LYPD4: variants seen among roughly 807,000 people sequenced by gnomAD.
The protein encoded by LYPD4 is LY6/PLAUR domain containing 4, also known as ly6/PLAUR domain-containing protein 4.
In LYPD4, 20 loss-of-function variants were observed where a neutral mutation model predicts 18.2. The observed-to-expected ratio is 1.10, with a 90% CI of 0.77 to 1.59. The LOEUF is 1.59. Ranked by LOEUF, LYPD4 falls within the 40% of genes most tolerant of loss-of-function variation. The pLI is 0.00. For synonymous variants in LYPD4, 111 were observed against 118.3 expected (o/e 0.94, Z 0.40); for missense variants, 278 against 300.3 (o/e 0.93, Z 0.55).
rs34537433 is a variant in LYPD4 at position 41,837,277 on chromosome 19, G to A, written c.607C>T (p.His203Tyr). The A allele has an allele frequency of 1.1e-3, 1,815 of 1,614,040 alleles. 20 individuals are homozygous for A. In the African/African-American group the frequency reaches 0.022, roughly 19 times the overall value. The change falls in exon 5 of 5, where the codon CAT becomes TAT. Residue 203 changes from histidine to tyrosine, a missense_variant. His to Tyr is a moderately conservative substitution (Grantham distance 83). Coordinates refer to ENST00000609812, the MANE Select transcript of LYPD4 (RefSeq NM_173506.7). ...REHNQLLADF[H>Y]HIGSIKVTEV... ...GTCACTTTGATGCTCCCAATATGAT[G>A]AAAATCTGCTAAAAGCTGGTTATGT...
downstream of LYPD4, chr19:41,835,633 G>T: frequency 4.4e-6 from 1 of 225,750 alleles, no homozygotes; most frequent in Middle Eastern, 2.2e-3. Flanking sequence ...TAGGCTCGCT[G>T]GTCTCCACCT....
intron 1 of LYPD4, among the ~76,000 whole-genome samples, chr19:41,839,756 TA>T (rs1426866546): frequency 6.6e-6 from 1 of 151,572 alleles, no homozygotes; most frequent in African/African-American, 2.4e-5. Flanking sequence ...AATTTAAAAG[TA>T]TTTAGAACTG....
In LYPD4 at chr19:41,839,397, T is replaced by A; in HGVS notation, c.-112A>T. On this transcript the variant is annotated 5_prime_UTR_variant, in exon 2 of 5. Coordinates refer to ENST00000609812, the MANE Select transcript of LYPD4 (RefSeq NM_173506.7). ...AATTCTTTGTCCACCTGTCTCTGGGTCACTGTTTCTGGAGCAGAAAGTTGA... is the reference window on the plus strand; with the variant it reads ...AATTCTTTGTCCACCTGTCTCTGGGACACTGTTTCTGGAGCAGAAAGTTGA... 9.9e-7 allele frequency: 1 copy of A among 1,013,398 alleles called. No homozygotes were observed. Among genetic ancestry groups the A allele is most frequent in the Non-Finnish European group, 1.5e-6 (1 of 654,690 alleles). 62.8% of individuals were successfully genotyped at this position (1,013,398 alleles called of 1,614,324 possible).
rs373896461 is a variant in LYPD4 at position 41,837,111 on chromosome 19, A to T, written c.*32T>A. ...TGCTATTTTATTTGTTATGTGAAAG[A>T]GTCTGGGTGCTTGTCGGGTGCAGCT... On this transcript the variant is annotated 3_prime_UTR_variant, in exon 5 of 5. Transcript: ENST00000609812. 2 of 1,612,880 alleles carry T rather than the reference A, an allele frequency of 1.2e-6. No homozygotes were observed. Among genetic ancestry groups the T allele is most frequent in the African/African-American group, 1.3e-5 (1 of 74,868 alleles).
At chr19:41,837,854 C>T (rs1290554609) in intron 4 of LYPD4, 81 bp downstream of exon 4, 3 of 1,392,650 alleles carry the variant, frequency 2.2e-6, no homozygotes, top group Admixed American at 2.4e-5. Context: ...TGGATCCCAC[C>T]AGCCTCTCTG....
Position 41,837,974 on chromosome 19 carries a change from C to G in LYPD4, c.499G>C (p.Ala167Pro), listed in dbSNP as rs1555831104. ...FVTTNSCPLA[A>P]STCYSSTLKF... ...AAGGTGGAACTGTAACACGTAGAAGCAGCCAAGGGGCAAGAATTAGTGGTG... is the reference window on the plus strand; with the variant it reads ...AAGGTGGAACTGTAACACGTAGAAGGAGCCAAGGGGCAAGAATTAGTGGTG... Residue 167 changes from alanine (A) to proline (P), a missense_variant, in exon 4 of 5, where the codon GCT (alanine) becomes CCT (proline). Coordinates refer to ENST00000609812, the MANE Select transcript of LYPD4 (RefSeq NM_173506.7). 3 of 1,613,270 alleles carry G rather than the reference C, an allele frequency of 1.9e-6. No homozygotes were observed. Among genetic ancestry groups the G allele is most frequent in the Non-Finnish European group, 2.5e-6 (3 of 1,179,476 alleles).
intron 3 of LYPD4, 80 bp downstream of exon 3, chr19:41,838,801 A>G (rs1237578865): frequency 1.5e-6 from 2 of 1,339,414 alleles, no homozygotes; most frequent in South Asian, 1.3e-5. Flanking sequence ...ATTCTAATCT[A>G]CAGTCCCTCG....
rs782812231 is a variant in LYPD4 at position 41,839,218 on chromosome 19, C to G, written c.67+1G>C. The G allele has an allele frequency of 2.5e-6, 4 of 1,614,014 alleles. No individual in the cohort carries two copies. The highest frequency in any genetic ancestry group is 1.7e-6 in the Non-Finnish European group (2 of 1,180,044). On this transcript the variant is annotated splice_donor_variant, in intron 2 of 4. Coordinates refer to ENST00000609812, the MANE Select transcript of LYPD4 (RefSeq NM_173506.7). LOFTEE classifies it high-confidence loss of function. ...ATAGCATCCAGCCCCACAGGACATA[C>G]GAGGCAGAGTGGAGATGGCCCCTAG...
At position 41,840,145 on chromosome 19, in the gene LYPD4, TAC is replaced by T. The variant is rs368982850; in HGVS notation, c.-120-742_-120-741del. On this transcript the variant is annotated intron_variant, in intron 1 of 4. Transcript: ENST00000609812. Reference sequence around the variant, plus strand: ...ACATAGACACAGACAGACACACACATACACACACACACACACACATAAGTGCA... The same window carrying T: ...ACATAGACACAGACAGACACACACATACACACACACACACACATAAGTGCA... Among the ~76,000 whole-genome samples the T allele has an allele frequency of 3.0e-4, 45 of 147,962 alleles. 1 individual carries two copies. The highest frequency in any genetic ancestry group is 4.5e-4 in the Non-Finnish European group (30 of 66,700).
intron 3 of LYPD4, 120 bp downstream of exon 3, chr19:41,838,761 A>C: frequency 2.0e-6 from 1 of 501,878 alleles, no homozygotes; most frequent in Non-Finnish European, 3.0e-6. Flanking sequence ...ATATATACAT[A>C]TATATATATA....
Position 41,839,357 on chromosome 19 carries a change from T to TCC in LYPD4, c.-74_-73dup. The TCC allele has an allele frequency of 7.2e-7, 1 of 1,381,394 alleles. No individual in the cohort carries two copies. Among genetic ancestry groups the TCC allele is most frequent in the Non-Finnish European group, 1.0e-6 (1 of 970,074 alleles). The allele number at this position is 1,381,394 out of a possible 1,614,324, so 85.6% of individuals were successfully genotyped here. On this transcript the variant is annotated 5_prime_UTR_variant, in exon 2 of 5. An upstream open reading frame in the 5' UTR gains an earlier in-frame stop. Transcript: ENST00000609812. The stretch of plus-strand genomic sequence containing the variant: ...TTTCAGTCTGGATCCCAAGCTCAGT[T>TCC]CCCATCAGTCCCCGAATTCTTTGTC...
chr19:41,837,224 AG>A lies in LYPD4; in HGVS notation c.659del (p.Ser220PhefsTer19), dbSNP rs782604227. The part of the protein sequence containing the change: ...VTEVLNILEK[S>X]QIVGAASSRQ... ...TGGAGGATGCTGCACCAACAATCTG[AG>A]ACTTCTCTAAGATGTTGAGGACCTC... On this transcript the variant is annotated frameshift_variant, in exon 5 of 5. Transcript: ENST00000609812. LOFTEE classifies it low-confidence loss of function (END_TRUNC). 11 of 1,614,092 alleles carry A rather than the reference AG, an allele frequency of 6.8e-6. No individual in the cohort carries two copies. The highest frequency in any genetic ancestry group is 9.3e-6 in the Non-Finnish European group (11 of 1,179,974).
chr19:41,835,135 A>G (rs1240165211), downstream of LYPD4: 1 of 152,242 alleles, frequency 6.6e-6, no homozygotes. Context: ...GACAAAGTAT[A>G]TAAAAATCCA....
At chr19:41,840,145 TACACAC>T (rs368982850) in intron 1 of LYPD4, among the ~76,000 whole-genome samples, 4 of 148,348 alleles carry the variant, frequency 2.7e-5, no homozygotes, top group Admixed American at 6.7e-5. Flanking sequence ...GACACACACA[TACACAC>T]ACACACACAC....
Position 41,839,221 on chromosome 19 carries a change from G to C in LYPD4, c.65C>G (p.Pro22Arg). 3 of 1,614,116 alleles carry C rather than the reference G, an allele frequency of 1.9e-6. No homozygotes were observed. The highest frequency in any genetic ancestry group is 2.5e-6 in the Non-Finnish European group (3 of 1,180,040). ...FCLLGAISTL[P>R]RAGALLCYEA... is the part of the protein sequence containing the mutation. ...GCATCCAGCCCCACAGGACATACGA[G>C]GCAGAGTGGAGATGGCCCCTAGAAG... is the stretch of plus-strand genomic sequence containing the variant. Residue 22 changes from proline (P) to arginine (R), a missense_variant and splice_region_variant, in exon 2 of 5, where the codon CCT becomes CGT. Transcript: ENST00000609812.
chr19:41,843,567 C>T lies in LYPD4; in HGVS notation c.-121+11G>A, dbSNP rs2073723813. 6.6e-6 allele frequency: 1 copy of T among 151,542 alleles called. No homozygotes were observed. Among genetic ancestry groups the T allele is most frequent in the Non-Finnish European group, 1.5e-5 (1 of 67,964 alleles). The allele number at this position is 151,542 out of a possible 1,614,324, so 9.4% of individuals were successfully genotyped here. ...CACACCCCACCCCACCCCAGATAAGCGCCACCCAACCTTTCCAATTTTATC... is the reference window on the plus strand; with the variant it reads ...CACACCCCACCCCACCCCAGATAAGTGCCACCCAACCTTTCCAATTTTATC... On this transcript the variant is annotated intron_variant, in intron 1 of 4. Coordinates refer to ENST00000609812, the MANE Select transcript of LYPD4 (RefSeq NM_173506.7).
downstream of LYPD4, among the ~76,000 whole-genome samples, chr19:41,836,704 C>T (rs1341436333): frequency 1.3e-5 from 2 of 149,868 alleles, no homozygotes; most frequent in African/African-American, 2.5e-5. Context: ...GAGACCAGAC[C>T]GGGCAACATA....
rs782343746 is a variant in LYPD4 at position 41,838,896 on chromosome 19, C to G, written c.196G>C (p.Val66Leu). 3.1e-6 allele frequency: 5 copies of G among 1,613,974 alleles called. No individual in the cohort carries two copies. In the South Asian group the frequency reaches 5.5e-5, roughly 18 times the overall value. ...KLQEGCEETL[V>L]FIETGTARGV... ...ACTGCTTCACCTGTCTCAATGAACA[C>G]TAGCGTCTCCTCGCAGCCCTCTTGC... is the stretch of plus-strand genomic sequence containing the variant. Residue 66 changes from valine (V) to leucine (L), a missense_variant, in exon 3 of 5, where the codon GTG (valine) becomes CTG (leucine). Val to Leu is a conservative substitution (Grantham distance 32). Coordinates refer to ENST00000609812, the MANE Select transcript of LYPD4 (RefSeq NM_173506.7).
At position 41,843,067 on chromosome 19, in the gene LYPD4, AAAAAAAAAAACC is replaced by A. The variant is rs2073687967; in HGVS notation, c.-121+499_-121+510del. Among the ~76,000 whole-genome samples, 5 of 39,814 alleles carry A rather than the reference AAAAAAAAAAACC, an allele frequency of 1.3e-4. No individual in the cohort carries two copies. The East Asian group carries it at 1.5e-3, about 12-fold the overall frequency. The allele number at this position is 39,814 out of a possible 152,430, so 26.1% of individuals were successfully genotyped here. On this transcript the variant is annotated intron_variant, in intron 1 of 4. Transcript: ENST00000609812. Reference sequence around the variant, plus strand: ...AAAAAAAAAAAAAAAAAAAAAAAAAAAAAAAAAAAACCCCAACAACAACACTACACACATCCT... The same window carrying A: ...AAAAAAAAAAAAAAAAAAAAAAAAAACCAACAACAACACTACACACATCCT...
Sources: allele counts gnomAD v4.1 joint callset (sites outside exome capture counted in the v4.1 genomes callset), GRCh38; gene constraint gnomAD v4.1.1; transcripts MANE v1.5; gene names NCBI Gene and HGNC (gene_info 2026-07-23, HGNC 2026-07-21).